MYH9: variants seen among roughly 807,000 people sequenced by gnomAD.
MYH9 encodes myosin-9.
Under a neutral mutation model 241.9 loss-of-function variants are expected in MYH9, and 29 were observed. That is an observed-to-expected ratio of 0.12 (90% CI 0.09 to 0.16). The LOEUF is 0.16. MYH9 is among the 10% of genes least tolerant of loss of function. The pLI, the probability that MYH9 is intolerant of heterozygous loss-of-function variation, is 1.00. For missense variants in MYH9, 1,803 were observed against 2,595.5 expected (o/e 0.69, Z 6.63); for synonymous variants, 1,047 against 1,062.6 (o/e 0.99, Z 0.29).
chr22:36,294,390 T>G, intron 27 of MYH9, 92 bp from the exon 28 acceptor site: 2 of 1,399,742 alleles, frequency 1.4e-6, no homozygotes, highest in Non-Finnish European at 2.0e-6. Context: ...CAGACATCGC[T>G]GCTTCTGCAG....
intron 31 of MYH9, among the ~76,000 whole-genome samples, chr22:36,291,658 A>C (rs2016705047): frequency 6.9e-6 from 1 of 145,654 alleles, no homozygotes; most frequent in Admixed American, 7.0e-5. Flanking sequence ...TGCGAGAAAC[A>C]CCCAAGAATG....
In MYH9 at chr22:36,294,250, C is replaced by T; in HGVS notation, c.3679G>A (p.Gly1227Arg). The change falls in exon 28 of 41, where the codon GGG (glycine) becomes AGG (arginine). Residue 1227 changes from glycine (G) to arginine (R), a missense_variant. Gly to Arg is a moderately radical substitution (Grantham distance 125). Around this residue, in one of 11 missense-constraint regions of MYH9, gnomAD observed 876 missense variants for 1,077.8 expected, o/e 0.81. Transcript: ENST00000216181. Reference protein sequence around the residue: ...KAKQTLENERGELANEVKVLL... With the variant: ...KAKQTLENERRELANEVKVLL... ...ACCTTCACCTCGTTGGCCAGCTCCC[C>T]CCGCTCGTTCTCCAGAGTCTGCTTT... The T allele has an allele frequency of 2.5e-6, 4 of 1,614,140 alleles. No individual in the cohort carries two copies. The highest frequency in any genetic ancestry group is 2.2e-5 in the South Asian group (2 of 91,088).
chr22:36,305,196 G>A lies in MYH9; in HGVS notation c.2160-94C>T. ...GAGAGATTAACATCATTTCTACAAT[G>A]CAACAGACACAGAATTCTTTACACA... On this transcript the variant is annotated intron_variant, in intron 17 of 40. Transcript: ENST00000216181. This position sits in a 1 kb window ranked among gnomAD's most constrained non-coding sequence, Gnocchi z 4.7. 9.2e-7 allele frequency: 1 copy of A among 1,091,708 alleles called. No homozygotes were observed. Among genetic ancestry groups the A allele is most frequent in the Non-Finnish European group, 1.4e-6 (1 of 714,144 alleles). 67.6% of individuals were successfully genotyped at this position (1,091,708 alleles called of 1,614,324 possible).
intron 19 of MYH9, among the ~76,000 whole-genome samples, chr22:36,303,368 C>T (rs993091381): frequency 3.3e-5 from 5 of 151,796 alleles, no homozygotes; most frequent in Non-Finnish European, 5.9e-5. Flanking sequence ...GACAGGCAGG[C>T]TCTGGGTGCT....
Position 36,284,257 on chromosome 22 carries a change from C to T in MYH9, c.5601G>A (p.Lys1867=). The change falls in exon 40 of 41, where the codon AAG becomes AAA. Residue 1867 remains lysine (K), a synonymous_variant. Coordinates refer to ENST00000216181, the MANE Select transcript of MYH9 (RefSeq NM_002473.6). Reference sequence around the variant, plus strand: ...TGAGCTGCTTCAGGCGGGTAGATGCCTTGTCGGCCTGCGGAGATGGACGTG... The same window carrying T: ...TGAGCTGCTTCAGGCGGGTAGATGCTTTGTCGGCCTGCGGAGATGGACGTG... ...NAEQYKDQAD[K]ASTRLKQLKR... The T allele has an allele frequency of 1.2e-6, 2 of 1,610,628 alleles. No homozygotes were observed. Among genetic ancestry groups the T allele is most frequent in the Non-Finnish European group, 1.7e-6 (2 of 1,179,352 alleles).
chr22:36,304,602 C>G (rs1370909615), intron 18 of MYH9, among the ~76,000 whole-genome samples: 1 of 152,202 alleles, frequency 6.6e-6, no homozygotes, highest in Non-Finnish European at 1.5e-5. Context: ...ATGCGCACAG[C>G]CCGTCCAGCA....
At chr22:36,296,540 C>CTTTTTTTTTTTT (rs67917055) in intron 25 of MYH9, among the ~76,000 whole-genome samples, 1 of 100,890 alleles carries the variant, frequency 9.9e-6, no homozygotes, top group African/African-American at 4.0e-5. Context: ...CTGGTCAAGT[C>CTTTTTTTTTTTT]TTTTTTTTTT....
chr22:36,353,393 C>T (rs1470274823), intron 1 of MYH9, among the ~76,000 whole-genome samples: 1 of 152,096 alleles, frequency 6.6e-6, no homozygotes, highest in African/African-American at 2.4e-5. Flanking sequence ...CAGAGACTCA[C>T]TCTGTTGCCC....
At chr22:36,337,026 T>A (rs897551311) in intron 3 of MYH9, among the ~76,000 whole-genome samples, 3 of 152,216 alleles carry the variant, frequency 2.0e-5, no homozygotes, top group Admixed American at 2.0e-4. Flanking sequence ...CATCTCAGAA[T>A]TCCTGCATCG....
In MYH9 at chr22:36,285,344, C is replaced by A. The variant is rs2146328176; in HGVS notation, c.5275-15G>T. The A allele has an allele frequency of 6.2e-7, 1 of 1,605,254 alleles. No homozygotes were observed. On this transcript the variant is annotated splice_polypyrimidine_tract_variant and intron_variant, in intron 37 of 40. Coordinates refer to ENST00000216181, the MANE Select transcript of MYH9 (RefSeq NM_002473.6). The surrounding 1 kb of genome is among the most constrained non-coding windows in gnomAD (Gnocchi z 7.0). ...ATCTGGTCGATCTGCAGAAGAAGGG[C>A]CAGTGACCTTGGGGAGGGCTGGGGC...
At position 36,306,923 on chromosome 22, in the gene MYH9, T is replaced by A. The variant is rs951560496; in HGVS notation, c.1844-316A>T. 6.6e-6 allele frequency among the ~76,000 whole-genome samples: 1 copy of A among 152,096 alleles called. No individual in the cohort carries two copies. Among genetic ancestry groups the A allele is most frequent in the African/African-American group, 2.4e-5 (1 of 41,404 alleles). On this transcript the variant is annotated intron_variant, in intron 15 of 40. Transcript: ENST00000216181. This position sits in a 1 kb window ranked among gnomAD's most constrained non-coding sequence, Gnocchi z 4.1. ...TTCCAAAAAGACTCAATGAAGCTAG[T>A]CATGTATTTTGGAATAGTGAGAATT...
At chr22:36,324,723 G>A (rs1264600834) in intron 5 of MYH9, among the ~76,000 whole-genome samples, 1 of 152,234 alleles carries the variant, frequency 6.6e-6, no homozygotes, top group African/African-American at 2.4e-5. Flanking sequence ...ACCGGCCAAT[G>A]GTCTTTCACG....
chr22:36,287,051 C>T (rs1185129665), intron 34 of MYH9: 6 of 689,706 alleles, frequency 8.7e-6, no homozygotes, highest in African/African-American at 1.8e-5. Flanking sequence ...TGACAGTGTT[C>T]GTCACCGTGG....
intron 3 of MYH9, among the ~76,000 whole-genome samples, chr22:36,334,678 G>A (rs750024560): frequency 1.3e-5 from 2 of 152,214 alleles, no homozygotes; most frequent in Non-Finnish European, 2.9e-5. Context: ...CGGAAGGAAT[G>A]AGCGATTTGA....
chr22:36,320,124 G>C lies in MYH9; in HGVS notation c.1012+96C>G. 2.6e-6 allele frequency: 4 copies of C among 1,564,810 alleles called. No homozygotes were observed. Among genetic ancestry groups the C allele is most frequent in the Middle Eastern group, 1.7e-4 (1 of 5,956 alleles). ...CTTCCCCTTCCCCTGGCCTCTAGCA[G>C]GCTCCCCAGGCCCATCGGCTACCCT... is the stretch of plus-strand genomic sequence containing the variant. On this transcript the variant is annotated intron_variant, in intron 9 of 40. Coordinates refer to ENST00000216181, the MANE Select transcript of MYH9 (RefSeq NM_002473.6). The surrounding 1 kb of genome is among the most constrained non-coding windows in gnomAD (Gnocchi z 4.8).
intron 18 of MYH9, among the ~76,000 whole-genome samples, chr22:36,304,450 C>A (rs539641425): frequency 1.3e-5 from 2 of 152,318 alleles, no homozygotes; most frequent in African/African-American, 2.4e-5. Flanking sequence ...TGAAGTAAAA[C>A]AAGGCCAAAG....
chr22:36,322,611 G>C, intron 5 of MYH9, 90 bp from the exon 6 acceptor site: 1 of 1,267,604 alleles, frequency 7.9e-7, no homozygotes, highest in East Asian at 2.4e-5. Context: ...TGGCAGAGCC[G>C]TGTCAGCATG....
chr22:36,295,770 CAG>C lies in MYH9; in HGVS notation c.3273-55_3273-54del. ...TAAGGAGAGTTTCACCTCCAAGGAG[CAG>C]AGTTTGCAGGACAGGCCTGAGAGAG... On this transcript the variant is annotated intron_variant, in intron 25 of 40. Transcript: ENST00000216181. This position sits in a 1 kb window ranked among gnomAD's most constrained non-coding sequence, Gnocchi z 4.1. The C allele has an allele frequency of 1.3e-6, 2 of 1,527,630 alleles. No individual in the cohort carries two copies. Among genetic ancestry groups the C allele is most frequent in the Admixed American group, 1.8e-5 (1 of 55,656 alleles). 94.6% of individuals were successfully genotyped at this position (1,527,630 alleles called of 1,614,324 possible). A position where few individuals can be genotyped will look rare whatever the true frequency, so the allele number is the denominator to read the frequency against.
At chr22:36,325,072 A>C (rs2017313424) in intron 5 of MYH9, 1 of 774,684 alleles carries the variant, frequency 1.3e-6, no homozygotes. Flanking sequence ...GAGATGGAAA[A>C]GCACAGCTAG....
Sources: gnomAD v4.1 joint callset for allele counts (sites outside exome capture counted in the v4.1 genomes callset) on GRCh38, gnomAD v4.1.1 for gene constraint, gnomAD v4.1.1 regional missense constraint, Gnocchi (gnomAD v3.1) non-coding constraint, MANE v1.5 for transcripts, NCBI Gene and HGNC (gene_info 2026-07-23, HGNC 2026-07-21) for gene names.